KLHL1: variants seen among roughly 807,000 people sequenced by gnomAD.
KLHL1 encodes kelch like family member 1.
A neutral mutation model predicts 77.7 loss-of-function variants in KLHL1; 47 were observed. The ratio of observed to expected loss-of-function variants is 0.60; its 90% CI spans 0.48 to 0.77. KLHL1 has a LOEUF of 0.77. Ranked by LOEUF, KLHL1 falls within the 30% of genes least tolerant of loss-of-function variation. KLHL1 has a pLI of 0.00. For missense variants in KLHL1, 925 were observed against 910.8 expected (o/e 1.02, Z -0.20); for synonymous variants, 360 against 325.2 (o/e 1.11, Z -1.15).
chr13:69,728,391 C>A (rs918163370), intron 8 of KLHL1, among the ~76,000 whole-genome samples: 2 of 146,220 alleles, frequency 1.4e-5, no homozygotes, highest in Non-Finnish European at 3.0e-5. Context: ...GAAATTACAA[C>A]TGCCTTGTAA....
chr13:69,923,821 C>T (rs569295183), intron 4 of KLHL1, among the ~76,000 whole-genome samples: 8 of 152,214 alleles, frequency 5.3e-5, no homozygotes, highest in African/African-American at 7.2e-5. Context: ...GTTGGCAGGG[C>T]AGGAGTTTGC....
intron 4 of KLHL1, among the ~76,000 whole-genome samples, chr13:69,896,992 T>C (rs1881670274): frequency 1.3e-5 from 2 of 152,130 alleles, no homozygotes; most frequent in Non-Finnish European, 2.9e-5. Flanking sequence ...TTTTAAGGCT[T>C]TTTATAAATT....
intron 1 of KLHL1, among the ~76,000 whole-genome samples, chr13:69,986,930 C>A (rs896910698): frequency 6.6e-6 from 1 of 151,852 alleles, no homozygotes; most frequent in East Asian, 1.9e-4. Flanking sequence ...TCATAATAGA[C>A]AAGAAGTCTT....
intron 8 of KLHL1, among the ~76,000 whole-genome samples, chr13:69,720,584 G>A (rs1872999690): frequency 6.6e-6 from 1 of 151,982 alleles, no homozygotes; most frequent in Non-Finnish European, 1.5e-5. Context: ...TCCAGAAGCA[G>A]GATCAGTAAT....
At chr13:70,090,520 C>T (rs562905604) in intron 1 of KLHL1, among the ~76,000 whole-genome samples, 1 of 151,564 alleles carries the variant, frequency 6.6e-6, no homozygotes, top group African/African-American at 2.4e-5. Context: ...ATTGACAGGT[C>T]ATTATCCTCT....
At chr13:69,812,270 G>C (rs1274877096) in intron 6 of KLHL1, among the ~76,000 whole-genome samples, 2 of 152,038 alleles carry the variant, frequency 1.3e-5, no homozygotes, top group Non-Finnish European at 2.9e-5. Flanking sequence ...CTGAGAGACA[G>C]TTTGTTATAA....
intron 7 of KLHL1, among the ~76,000 whole-genome samples, chr13:69,762,793 GA>G (rs1875088853): frequency 6.6e-6 from 1 of 151,282 alleles, no homozygotes; most frequent in Non-Finnish European, 1.5e-5. Flanking sequence ...AATAAAACTG[GA>G]AAAGGGGTCT....
chr13:70,032,861 G>A (rs1345982948), intron 1 of KLHL1, among the ~76,000 whole-genome samples: 2 of 152,100 alleles, frequency 1.3e-5, no homozygotes. Flanking sequence ...TGTGGTTGGT[G>A]CAAACGTAAT....
chr13:70,092,053 C>T (rs1045846539), intron 1 of KLHL1, among the ~76,000 whole-genome samples: 3 of 152,124 alleles, frequency 2.0e-5, no homozygotes, highest in Admixed American at 1.3e-4. Context: ...GTCATACAGC[C>T]ACCAAGGAAA....
intron 6 of KLHL1, among the ~76,000 whole-genome samples, chr13:69,823,832 C>G (rs1488322840): frequency 6.6e-6 from 1 of 152,002 alleles, no homozygotes; most frequent in East Asian, 1.9e-4. Flanking sequence ...CTCTCTCTCT[C>G]TTATGGTTGG....
chr13:69,860,519 C>A (rs191030707), intron 5 of KLHL1, among the ~76,000 whole-genome samples: 2 of 152,012 alleles, frequency 1.3e-5, no homozygotes, highest in Admixed American at 1.3e-4. Flanking sequence ...TTTATAGATT[C>A]ATGAATCCAA....
At chr13:70,024,653 T>TCTCTCTCTCTCTCTCTCTCTCTCG (rs1566508949) in intron 1 of KLHL1, among the ~76,000 whole-genome samples, 1 of 134,908 alleles carries the variant, frequency 7.4e-6, no homozygotes, top group African/African-American at 2.9e-5. Flanking sequence ...TCTCTCTCTC[T>TCTCTCTCTCTCTCTCTCTCTCTCG]CTCTCTCGCT....
At chr13:69,917,353 T>A (rs1022702732) in intron 4 of KLHL1, among the ~76,000 whole-genome samples, 5 of 152,188 alleles carry the variant, frequency 3.3e-5, no homozygotes, top group East Asian at 1.9e-4. Flanking sequence ...AGAGAATTTT[T>A]AAAAATGTAC....
At position 69,707,711 on chromosome 13, in the gene KLHL1, T is replaced by C. The variant is rs1875690213; in HGVS notation, c.2101A>G (p.Arg701Gly). Residue 701 changes from arginine (R) to glycine (G), a missense_variant, in exon 10 of 11, where the codon AGA becomes GGA. Arg to Gly is a moderately radical substitution (Grantham distance 125). Transcript: ENST00000377844. Reference sequence around the variant, plus strand: ...TCATAGCCACCAACAGCATATAATCTGTCACCAAGGAGACAGACCCCAACA... The same window carrying C: ...TCATAGCCACCAACAGCATATAATCCGTCACCAAGGAGACAGACCCCAACA... Reference protein sequence around the residue: ...DAVGVCLLGDRLYAVGGYDGQ... With the variant: ...DAVGVCLLGDGLYAVGGYDGQ... 6.2e-7 allele frequency: 1 copy of C among 1,612,812 alleles called. No individual in the cohort carries two copies. Among genetic ancestry groups the C allele is most frequent in the African/African-American group, 1.3e-5 (1 of 74,844 alleles).
At chr13:69,725,978 C>G (rs922956778) in intron 8 of KLHL1, among the ~76,000 whole-genome samples, 8 of 152,100 alleles carry the variant, frequency 5.3e-5, no homozygotes, top group African/African-American at 1.9e-4. Context: ...ATCTCTCAGT[C>G]AGCTGAGGTT....
chr13:69,780,733 C>CATATATAT (rs1217018845), intron 7 of KLHL1, among the ~76,000 whole-genome samples: 1 of 42,080 alleles, frequency 2.4e-5, no homozygotes, highest in Non-Finnish European at 4.9e-5. Context: ...TATATATATA[C>CATATATAT]ATATATATAT....
intron 4 of KLHL1, among the ~76,000 whole-genome samples, chr13:69,908,350 A>G (rs550290527): frequency 1.3e-5 from 2 of 151,864 alleles, no homozygotes; most frequent in African/African-American, 4.8e-5. Context: ...TTCACTTACT[A>G]GAGTAATTTA....
chr13:69,786,984 C>T (rs1188346886), intron 7 of KLHL1, among the ~76,000 whole-genome samples: 1 of 152,118 alleles, frequency 6.6e-6, no homozygotes, highest in East Asian at 1.9e-4. Flanking sequence ...AATTACAAAA[C>T]AAACACTGCT....
At chr13:69,840,684 TTA>T (rs199637580) in intron 5 of KLHL1, among the ~76,000 whole-genome samples, 5,101 of 145,032 alleles carry the variant, frequency 0.035, 138 homozygotes, top group East Asian at 0.094. Flanking sequence ...AACATTAACT[TTA>T]TATATATATA....
Sources: gnomAD v4.1 joint callset for allele counts (sites outside exome capture counted in the v4.1 genomes callset) on GRCh38, gnomAD v4.1.1 for gene constraint, MANE v1.5 for transcripts, NCBI Gene and HGNC (gene_info 2026-07-23, HGNC 2026-07-21) for gene names.